Variants in RYR2 observed in about 807,000 individuals in gnomAD.
The protein encoded by RYR2 is ryanodine receptor 2.
RYR2 carries 227 observed loss-of-function variants against 601.1 expected under a neutral mutation model. The observed-to-expected ratio is 0.38, with a 90% confidence interval of 0.34 to 0.42. RYR2 has a LOEUF of 0.42. Among genes scored for constraint, RYR2 ranks in the 10% least tolerant of loss-of-function variants. RYR2 has a pLI of 1.00. For synonymous variants in RYR2, 2,223 were observed against 2,175.1 expected (o/e 1.02, Z -0.61); for missense variants, 4,646 against 6,156.5 (o/e 0.75, Z 8.21).
intron 25 of RYR2, among the ~76,000 whole-genome samples, chr1:237,544,301 C>G (rs1346123154): frequency 6.6e-6 from 1 of 151,976 alleles, no homozygotes; most frequent in East Asian, 1.9e-4. Flanking sequence ...CTACTTATAC[C>G]TGTTCAGTAA....
At chr1:237,144,729 A>G (rs1673795271) in intron 1 of RYR2, among the ~76,000 whole-genome samples, 1 of 152,184 alleles carries the variant, frequency 6.6e-6, no homozygotes, top group Admixed American at 6.5e-5. Context: ...GCTGCCCTGG[A>G]GACTCTATCA....
chr1:237,299,127 C>CTTTTTTTT (rs3086046), intron 2 of RYR2, among the ~76,000 whole-genome samples: 3 of 145,396 alleles, frequency 2.1e-5, no homozygotes, highest in Non-Finnish European at 3.0e-5. Flanking sequence ...TTCCTAGAGT[C>CTTTTTTTT]TTTTTTTTTT....
intron 12 of RYR2, among the ~76,000 whole-genome samples, chr1:237,439,626 A>G (rs1387206121): frequency 6.6e-6 from 1 of 152,054 alleles, no homozygotes; most frequent in Non-Finnish European, 1.5e-5. Context: ...CCTGGGTGAC[A>G]GAGAAAGACT....
chr1:237,157,558 A>G (rs899558737), intron 1 of RYR2, among the ~76,000 whole-genome samples: 1 of 152,202 alleles, frequency 6.6e-6, no homozygotes, highest in Admixed American at 6.5e-5. Context: ...TCAGCTGTAA[A>G]AAAGAATGAA....
At chr1:237,127,003 C>T (rs1671509019) in intron 1 of RYR2, among the ~76,000 whole-genome samples, 1 of 151,850 alleles carries the variant, frequency 6.6e-6, no homozygotes, top group Admixed American at 6.6e-5. Context: ...AGCATGCTGC[C>T]TTCAAGCATC....
chr1:237,497,902 C>A (rs1664242639), intron 20 of RYR2, among the ~76,000 whole-genome samples: 1 of 151,626 alleles, frequency 6.6e-6, no homozygotes, highest in Non-Finnish European at 1.5e-5. Context: ...TGCTCTGTTG[C>A]CCAGGCTGGA....
At chr1:237,125,661 G>GA (rs904208935) in intron 1 of RYR2, among the ~76,000 whole-genome samples, 1 of 152,208 alleles carries the variant, frequency 6.6e-6, no homozygotes, top group African/African-American at 2.4e-5. Flanking sequence ...TAAACTGAAT[G>GA]AAAAAATCAG....
At chr1:237,786,660 C>G (rs1309459424) in intron 91 of RYR2, among the ~76,000 whole-genome samples, 1 of 152,218 alleles carries the variant, frequency 6.6e-6, no homozygotes, top group African/African-American at 2.4e-5. Context: ...ATAACTCCCT[C>G]ATAACACCAG....
rs1354704411 is a variant in RYR2 at position 237,770,898 on chromosome 1, C to T, written c.11557+11C>T. On this transcript the variant is annotated intron_variant, in intron 85 of 104. Transcript: ENST00000366574. ...AGGGACACAACTCAGGTTTGTGAGT[C>T]CCCGGAACTTCTGATGATACTAAGG... 3 of 1,517,374 alleles carry T rather than the reference C, an allele frequency of 2.0e-6. No individual in the cohort carries two copies. In the East Asian group the frequency reaches 7.4e-5, roughly 37 times the overall value. The allele number at this position is 1,517,374 out of a possible 1,614,324, so 94.0% of individuals were successfully genotyped here. A position where few individuals can be genotyped will look rare whatever the true frequency, so the allele number is the denominator to read the frequency against.
chr1:237,289,045 G>A (rs1330217563), intron 2 of RYR2, among the ~76,000 whole-genome samples: 2 of 152,130 alleles, frequency 1.3e-5, no homozygotes, highest in Non-Finnish European at 2.9e-5. Context: ...AGGTAAAGTT[G>A]TAAACTTTTC....
At chr1:237,341,510 G>GACT in intron 3 of RYR2, 1 of 374,454 alleles carries the variant, frequency 2.7e-6, no homozygotes, top group Admixed American at 2.9e-5. Context: ...ACCTTCTGAA[G>GACT]ACTATGTATT....
Position 237,657,924 on chromosome 1 carries a change from T to C in RYR2, c.8130-20T>C, listed in dbSNP as rs1434149259. On this transcript the variant is annotated intron_variant, in intron 53 of 104. Coordinates refer to ENST00000366574, the MANE Select transcript of RYR2 (RefSeq NM_001035.3). ...AAATTCTGTGAAAATCAAGCTCTTT[T>C]GTCTTTACTTTTCTCATAGTATTAC... 1 of 1,345,978 alleles carries C rather than the reference T, an allele frequency of 7.4e-7. No individual in the cohort carries two copies. Among genetic ancestry groups the C allele is most frequent in the South Asian group, 1.4e-5 (1 of 71,998 alleles). 83.4% of individuals were successfully genotyped at this position (1,345,978 alleles called of 1,614,324 possible). A position where few individuals can be genotyped will look rare whatever the true frequency, so the allele number is the denominator to read the frequency against.
At chr1:237,764,564 T>C (rs1693697629) in intron 84 of RYR2, among the ~76,000 whole-genome samples, 1 of 152,054 alleles carries the variant, frequency 6.6e-6, no homozygotes, top group Non-Finnish European at 1.5e-5. Context: ...TTCTCCTGCC[T>C]CAGCCTCTCA....
chr1:237,125,246 G>A (rs924807534), intron 1 of RYR2, among the ~76,000 whole-genome samples: 2 of 152,062 alleles, frequency 1.3e-5, no homozygotes, highest in African/African-American at 4.8e-5. Flanking sequence ...AGGTCGCCAC[G>A]CCCAGGCCTC....
chr1:237,153,625 G>A (rs1674981867), intron 1 of RYR2, among the ~76,000 whole-genome samples: 1 of 150,882 alleles, frequency 6.6e-6, no homozygotes, highest in Admixed American at 6.6e-5. Flanking sequence ...GATAGTTGTT[G>A]AAGGTTATAA....
Position 237,590,783 on chromosome 1 carries a change from G to A in RYR2, c.3951G>A (p.Thr1317=), listed in dbSNP as rs372097270. 6.8e-5 allele frequency: 110 copies of A among 1,613,880 alleles called. No homozygotes were observed. The highest frequency in any genetic ancestry group is 8.5e-5 in the Non-Finnish European group (100 of 1,179,864). ...PIECAEVFSK[T]VAGGLPGAGL... Reference sequence around the variant, plus strand: ...AGTGCGCGGAGGTCTTCTCCAAGACGGTGGCTGGAGGGCTCCCTGGGGCTG... The same window carrying A: ...AGTGCGCGGAGGTCTTCTCCAAGACAGTGGCTGGAGGGCTCCCTGGGGCTG... The change falls in exon 31 of 105, where the codon ACG becomes ACA. Residue 1317 remains threonine, a synonymous_variant. Transcript: ENST00000366574.
Position 237,569,193 on chromosome 1 carries a change from G to A in RYR2, c.3472G>A (p.Ala1158Thr). 2 of 1,613,970 alleles carry A rather than the reference G, an allele frequency of 1.2e-6. No homozygotes were observed. The highest frequency in any genetic ancestry group is 1.3e-5 in the African/African-American group (1 of 75,036). The change falls in exon 29 of 105, where the codon GCA becomes ACA. Residue 1158 changes from alanine to threonine, a missense_variant. Physicochemically the swap from Ala to Thr is moderately conservative, Grantham distance 58. This residue lies in a region of RYR2 where 1,807 missense variants were observed against 2,088.1 expected (regional missense o/e 0.87). Coordinates refer to ENST00000366574, the MANE Select transcript of RYR2 (RefSeq NM_001035.3). ...TGAACACTATGGGCGCTCTTGGCAA[G>A]CAGGCGATGTCGTGGGGTGTATGGT... is the stretch of plus-strand genomic sequence containing the variant. Reference protein sequence around the residue: ...GNEHYGRSWQAGDVVGCMVDM... With the variant: ...GNEHYGRSWQTGDVVGCMVDM...
rs79812981 is a variant in RYR2 at position 237,456,992 on chromosome 1, A to T, written c.1612+257A>T. On this transcript the variant is annotated intron_variant, in intron 16 of 104. Transcript: ENST00000366574. ...CAGCAATTTTATAACATGCCTCCTA[A>T]TTGAGACTTAATTTTTAATTTACTG... Among the ~76,000 whole-genome samples, 4,866 of 152,260 alleles carry T rather than the reference A, an allele frequency of 0.032. 104 individuals are homozygous for T. Among genetic ancestry groups the T allele is most frequent in the Non-Finnish European group, 0.053 (3,615 of 68,006 alleles).
chr1:237,571,010 C>T (rs1672627568), intron 29 of RYR2, among the ~76,000 whole-genome samples: 1 of 152,028 alleles, frequency 6.6e-6, no homozygotes, highest in Non-Finnish European at 1.5e-5. Flanking sequence ...TCCTGTAGCT[C>T]CAGCTGCTCA....
Sources: gnomAD v4.1 joint callset for allele counts (sites outside exome capture counted in the v4.1 genomes callset) on GRCh38, gnomAD v4.1.1 for gene constraint, gnomAD v4.1.1 regional missense constraint, MANE v1.5 for transcripts, NCBI Gene and HGNC (gene_info 2026-07-23, HGNC 2026-07-21) for gene names.